Variants in NALCN observed in about 807,000 individuals in gnomAD.
NALCN encodes sodium leak channel, non-selective, also known as sodium leak channel NALCN.
A neutral mutation model predicts 225.3 loss-of-function variants in NALCN; 111 were observed. The observed-to-expected ratio is 0.49, with a 90% CI of 0.42 to 0.58. NALCN has a LOEUF of 0.58. Ranked by LOEUF, NALCN falls within the 20% of genes least tolerant of loss-of-function variation. The pLI is 0.00. For synonymous variants in NALCN, 764 were observed against 769.0 expected (o/e 0.99, Z 0.11); for missense variants, 1,378 against 2,202.4 (o/e 0.63, Z 7.49).
intron 14 of NALCN, among the ~76,000 whole-genome samples, chr13:101,182,427 G>T (rs1488464333): frequency 6.6e-6 from 1 of 152,324 alleles, no homozygotes; most frequent in Middle Eastern, 3.4e-3. Context: ...AACTCTTGGG[G>T]AGGCAACAAA....
chr13:101,092,239 A>AG (rs1472352017), intron 28 of NALCN, among the ~76,000 whole-genome samples: 1 of 152,132 alleles, frequency 6.6e-6, no homozygotes, highest in Non-Finnish European at 1.5e-5. Context: ...AGGTGCTCCA[A>AG]GGCCCCCCAA....
Position 101,067,961 on chromosome 13 carries a change from C to A in NALCN, c.4403G>T (p.Arg1468Leu). ...EDQLLSYNDL[R>L]HFQIIWNMVD... ...CATGTTCCATATTATTTGAAAGTGG[C>A]GAAGATCATTGTAACTTAAAAGCTG... Residue 1468 changes from arginine to leucine, a missense_variant, in exon 39 of 44, where the codon CGC becomes CTC. Coordinates refer to ENST00000251127, the MANE Select transcript of NALCN (RefSeq NM_052867.4). 2 of 1,613,078 alleles carry A rather than the reference C, an allele frequency of 1.2e-6. No homozygotes were observed. The highest frequency in any genetic ancestry group is 1.1e-5 in the South Asian group (1 of 90,780).
intron 17 of NALCN, among the ~76,000 whole-genome samples, chr13:101,135,067 C>G (rs1007271990): frequency 1.1e-4 from 16 of 152,040 alleles, no homozygotes; most frequent in African/African-American, 3.1e-4. Flanking sequence ...TGGTTGCGGG[C>G]GCCTGTAGTC....
chr13:101,055,582 T>G, intron 43 of NALCN, 94 bp from the exon 44 acceptor site: 1 of 1,117,370 alleles, frequency 8.9e-7, no homozygotes, highest in Non-Finnish European at 1.3e-6. Context: ...CAGTGATACT[T>G]TTGGCTAACG....
chr13:101,200,598 T>C (rs1254999354), intron 13 of NALCN, among the ~76,000 whole-genome samples: 2 of 152,024 alleles, frequency 1.3e-5, no homozygotes, highest in Non-Finnish European at 2.9e-5. Flanking sequence ...AACATCAACA[T>C]AGGTGGGCTA....
At chr13:101,343,716 A>C (rs1220643230) in intron 7 of NALCN, among the ~76,000 whole-genome samples, 1 of 152,318 alleles carries the variant, frequency 6.6e-6, no homozygotes, top group South Asian at 2.1e-4. Flanking sequence ...ATTTCCTCCT[A>C]GAACTGGTCC....
intron 9 of NALCN, 70 bp from the exon 10 acceptor site, chr13:101,284,089 C>T (rs1200369578): frequency 3.1e-6 from 4 of 1,307,954 alleles, no homozygotes; most frequent in African/African-American, 1.5e-5. Context: ...ATGTCTCCAG[C>T]TTTGTATATT....
chr13:101,117,055 C>T, intron 18 of NALCN: 1 of 467,554 alleles, frequency 2.1e-6, no homozygotes, highest in South Asian at 1.5e-5. Flanking sequence ...TACCCCACTC[C>T]TTTGTGAGTC....
intron 28 of NALCN, among the ~76,000 whole-genome samples, chr13:101,090,957 C>T (rs1181008229): frequency 1.3e-5 from 2 of 152,042 alleles, no homozygotes; most frequent in Non-Finnish European, 1.5e-5. Flanking sequence ...TCTGTGGGGG[C>T]CAGGGATGTC....
chr13:101,365,778 T>C (rs1036981326), intron 6 of NALCN, among the ~76,000 whole-genome samples: 4 of 152,180 alleles, frequency 2.6e-5, no homozygotes, highest in Non-Finnish European at 5.9e-5. Flanking sequence ...CTGTGATGTG[T>C]GATCACCCTA....
At chr13:101,270,859 A>C (rs1645394566) in intron 10 of NALCN, among the ~76,000 whole-genome samples, 2 of 152,194 alleles carry the variant, frequency 1.3e-5, no homozygotes, top group African/African-American at 4.8e-5. Flanking sequence ...GACTTGCAAA[A>C]CCAAACCAAA....
At chr13:101,285,472 G>T (rs1252617069) in intron 9 of NALCN, among the ~76,000 whole-genome samples, 2 of 147,908 alleles carry the variant, frequency 1.4e-5, no homozygotes, top group Non-Finnish European at 3.0e-5. Context: ...ACTAATTTTT[G>T]TATTTTTTTT....
chr13:101,095,230 T>G (rs112199700), intron 28 of NALCN, among the ~76,000 whole-genome samples: 1 of 152,200 alleles, frequency 6.6e-6, no homozygotes, highest in Non-Finnish European at 1.5e-5. Context: ...TTTAAAGATA[T>G]AAACTCAGGA....
At position 101,238,659 on chromosome 13, in the gene NALCN, G is replaced by A. The variant is rs544051782; in HGVS notation, c.1267-737C>T. Among the ~76,000 whole-genome samples, 8 of 151,976 alleles carry A rather than the reference G, an allele frequency of 5.3e-5. No homozygotes were observed. In the South Asian group the frequency reaches 1.5e-3, roughly 28 times the overall value. On this transcript the variant is annotated intron_variant, in intron 11 of 43. Transcript: ENST00000251127. ...CATTTTGTAAAGGAGATTGCAGCTG[G>A]AATTAAAATTTGCAATAGAAGATTA...
chr13:101,166,687 T>C (rs904803534), intron 15 of NALCN, among the ~76,000 whole-genome samples: 2 of 152,152 alleles, frequency 1.3e-5, no homozygotes, highest in Admixed American at 6.6e-5. Context: ...ATAGGTTGGC[T>C]TTTCACTCTA....
chr13:101,104,894 TA>T lies in NALCN; in HGVS notation c.2635del (p.Tyr879MetfsTer14). ...GGAAAATGAAGTTGGTGATGCTTAC[TA>T]AAGTTGATGGTACTTTGTATTTTTC... ...AVKNTKYHQLYDLLGLVTYLD... is the reference protein window; with the variant it reads ...AVKNTKYHQLXDLLGLVTYLD... On this transcript the variant is annotated frameshift_variant and splice_region_variant, in exon 23 of 44. Transcript: ENST00000251127. LOFTEE classifies it high-confidence loss of function. This position sits in a 1 kb window ranked among gnomAD's most constrained non-coding sequence, Gnocchi z 4.2. The T allele has an allele frequency of 4.3e-6, 7 of 1,613,814 alleles. No individual in the cohort carries two copies. Among genetic ancestry groups the T allele is most frequent in the Non-Finnish European group, 5.9e-6 (7 of 1,179,788 alleles).
At chr13:101,236,143 C>G (rs1357322483) in intron 12 of NALCN, among the ~76,000 whole-genome samples, 1 of 152,064 alleles carries the variant, frequency 6.6e-6, no homozygotes, top group Non-Finnish European at 1.5e-5. Context: ...ATTTATGCAG[C>G]CAAAAAACAC....
chr13:101,267,158 T>C (rs2042625374), intron 10 of NALCN, among the ~76,000 whole-genome samples: 1 of 152,192 alleles, frequency 6.6e-6, no homozygotes, highest in African/African-American at 2.4e-5. Flanking sequence ...GGACAGACCC[T>C]TTATCTCTAG....
At chr13:101,178,848 C>T (rs542363597) in intron 14 of NALCN, among the ~76,000 whole-genome samples, 8 of 152,140 alleles carry the variant, frequency 5.3e-5, no homozygotes, top group African/African-American at 7.2e-5. Flanking sequence ...TTTCTGCCTC[C>T]GTGATCTCTT....
Sources: allele counts gnomAD v4.1 joint callset (sites outside exome capture counted in the v4.1 genomes callset), GRCh38; gene constraint gnomAD v4.1.1; non-coding constraint Gnocchi (gnomAD v3.1); transcripts MANE v1.5; gene names NCBI Gene and HGNC (gene_info 2026-07-23, HGNC 2026-07-21).